Variants in TRANK1 observed in about 807,000 individuals in gnomAD.
The protein encoded by TRANK1 is TPR and ankyrin repeat-containing protein 1.
Under a neutral mutation model 266.0 loss-of-function variants are expected in TRANK1, and 198 were observed. The observed-to-expected ratio is 0.74, with a 90% CI of 0.66 to 0.84. The LOEUF is 0.84. TRANK1 is among the 40% of genes least tolerant of loss of function. The pLI, the probability that TRANK1 is intolerant of heterozygous loss-of-function variation, is 0.00. For missense variants in TRANK1, 3,326 were observed against 3,634.6 expected (o/e 0.92, Z 2.18); for synonymous variants, 1,396 against 1,384.1 (o/e 1.01, Z -0.19).
chr3:36,853,344 A>G (rs1432282257), intron 13 of TRANK1, among the ~76,000 whole-genome samples: 1 of 152,242 alleles, frequency 6.6e-6, no homozygotes, highest in Non-Finnish European at 1.5e-5. Flanking sequence ...CAGATAGAAT[A>G]CAATGGTCTA....
At position 36,895,799 on chromosome 3, in the gene TRANK1, A is replaced by C. The variant is rs1232854652; in HGVS notation, c.434-41T>G. ...ATAATTTAGGGATTTTAATGTGGGG[A>C]AAGTCTACAGCATTTGGGAAAAGGT... is the stretch of plus-strand genomic sequence containing the variant. On this transcript the variant is annotated intron_variant, in intron 4 of 23. Coordinates refer to ENST00000645898, the MANE Select transcript of TRANK1 (RefSeq NM_001329998.2). 5 of 1,367,432 alleles carry C rather than the reference A, an allele frequency of 3.7e-6. No individual in the cohort carries two copies. The Admixed American group carries it at 9.0e-5, about 25-fold the overall frequency. 84.7% of individuals were successfully genotyped at this position (1,367,432 alleles called of 1,614,324 possible).
intron 8 of TRANK1, among the ~76,000 whole-genome samples, chr3:36,881,801 T>A (rs776137516): frequency 6.6e-6 from 1 of 152,180 alleles, no homozygotes; most frequent in African/African-American, 2.4e-5. Context: ...TTTCTGTCTC[T>A]AGGGATTTCC....
intron 1 of TRANK1, chr3:36,929,529 G>A (rs891181408): frequency 2.0e-5 from 3 of 152,168 alleles, no homozygotes; most frequent in Non-Finnish European, 4.4e-5. Flanking sequence ...AGAAACACAT[G>A]CCATATGTAA....
intron 11 of TRANK1, among the ~76,000 whole-genome samples, chr3:36,860,409 G>A (rs936689791): frequency 4.6e-5 from 7 of 152,144 alleles, no homozygotes; most frequent in South Asian, 2.1e-4. Flanking sequence ...ACCCAGCCAC[G>A]CATGATAGTT....
intron 8 of TRANK1, among the ~76,000 whole-genome samples, chr3:36,875,651 G>A (rs1379256635): frequency 6.6e-6 from 1 of 152,222 alleles, no homozygotes; most frequent in Non-Finnish European, 1.5e-5. Flanking sequence ...CTGCCCCAAA[G>A]GGGGTAAAAA....
chr3:36,895,673 T>C lies in TRANK1; in HGVS notation c.519A>G (p.Val173=). 1 of 1,536,424 alleles carries C rather than the reference T, an allele frequency of 6.5e-7. No individual in the cohort carries two copies. The highest frequency in any genetic ancestry group is 1.2e-5 in the South Asian group (1 of 83,792). The change falls in exon 5 of 24, where the codon GTA becomes GTG. Residue 173 remains valine (V), a synonymous_variant. Coordinates refer to ENST00000645898, the MANE Select transcript of TRANK1 (RefSeq NM_001329998.2). ...TGFPTEVWQS[V]IEKLAKKGLW... Reference sequence around the variant, plus strand: ...ATCCTTTCTTTGCCAACTTTTCTATTACAGATTGCCACACTTCTGTTGGGA... The same window carrying C: ...ATCCTTTCTTTGCCAACTTTTCTATCACAGATTGCCACACTTCTGTTGGGA...
intron 12 of TRANK1, among the ~76,000 whole-genome samples, chr3:36,858,286 G>T (rs2079088165): frequency 1.3e-5 from 2 of 152,128 alleles, no homozygotes. Flanking sequence ...AGTGTCACTG[G>T]CAGCTAGCAG....
At chr3:36,836,302 T>C (rs1317010875) in intron 20 of TRANK1, among the ~76,000 whole-genome samples, 3 of 130,234 alleles carry the variant, frequency 2.3e-5, no homozygotes, top group African/African-American at 6.1e-5. Context: ...CAAGGTGCTA[T>C]GTGTGGGAGC....
intron 1 of TRANK1, among the ~76,000 whole-genome samples, chr3:36,924,545 A>G (rs1304174124): frequency 1.3e-5 from 2 of 152,186 alleles, no homozygotes; most frequent in Non-Finnish European, 2.9e-5. Flanking sequence ...ACACAGCATA[A>G]CCCTTATGCA....
chr3:36,833,096 G>C lies in TRANK1; in HGVS notation c.6487C>G (p.Gln2163Glu). The change falls in exon 22 of 24, where the codon CAA becomes GAA. Residue 2163 changes from glutamine (Q) to glutamate (E), a missense_variant. By Grantham distance (29) the Gln-to-Glu change is conservative. Transcript: ENST00000645898. ...TGTTTGTTTAGGGCTAATTTCACTT[G>C]GTCAGTCATTATCAAAAAATGATCT... ...TKDHFLIMTD[Q>E]VKLALNKHLL... The C allele has an allele frequency of 6.2e-7, 1 of 1,612,418 alleles. No individual in the cohort carries two copies. The highest frequency in any genetic ancestry group is 8.5e-7 in the Non-Finnish European group (1 of 1,179,122).
At position 36,833,418 on chromosome 3, in the gene TRANK1, C is replaced by A. The variant is rs767621760; in HGVS notation, c.6165G>T (p.Thr2055=). The change falls in exon 22 of 24, where the codon ACG becomes ACT. Residue 2055 remains threonine, a synonymous_variant. Coordinates refer to ENST00000645898, the MANE Select transcript of TRANK1 (RefSeq NM_001329998.2). ...CCACCACTCCAGCTGAGTGGTTGAG[C>A]GTGTCAAACTTGAAGAAGGCATCCC... is the stretch of plus-strand genomic sequence containing the variant. ...KLRDAFFKFD[T]LNHSAGVVEA... 9.9e-6 allele frequency: 16 copies of A among 1,613,644 alleles called. No homozygotes were observed. In the Admixed American group the frequency reaches 2.5e-4, roughly 25 times the overall value.
At chr3:36,854,348 A>G (rs1575205565) in intron 13 of TRANK1, among the ~76,000 whole-genome samples, 1 of 149,856 alleles carries the variant, frequency 6.7e-6, no homozygotes, top group East Asian at 1.9e-4. Flanking sequence ...CAACAGAGCA[A>G]GACTCTATCT....
intron 4 of TRANK1, among the ~76,000 whole-genome samples, 164 bp from the exon 5 acceptor site, chr3:36,895,922 G>A (rs2079783194): frequency 6.6e-6 from 1 of 152,198 alleles, no homozygotes; most frequent in African/African-American, 2.4e-5. Flanking sequence ...ATTGGTTGAA[G>A]TGGCAATTAT....
rs551671470 is a variant in TRANK1, at chr3:36,833,582, C to T, written c.6001G>A (p.Ala2001Thr). ...CLLGAARLNV[A>T]RDSDIEHTKD... ...GTGTGTTCTATGTCGGAATCCCTGG[C>T]CACATTGAGGCGGGCGGCCCCCAGC... Residue 2001 changes from alanine (A) to threonine (T), a missense_variant, in exon 22 of 24, where the codon GCC becomes ACC. By Grantham distance (58) the Ala-to-Thr change is moderately conservative (BLOSUM62 0). Transcript: ENST00000645898. 9.3e-6 allele frequency: 15 copies of T among 1,613,940 alleles called. No homozygotes were observed. In the Admixed American group the frequency reaches 1.8e-4, roughly 20 times the overall value.
intron 1 of TRANK1, among the ~76,000 whole-genome samples, chr3:36,918,614 A>G (rs57124548): frequency 1.9e-3 from 229 of 117,872 alleles, no homozygotes; most frequent in African/African-American, 6.2e-3. Context: ...AAGGAAAGAA[A>G]GAAAGAAAGA....
intron 8 of TRANK1, among the ~76,000 whole-genome samples, chr3:36,883,302 T>C (rs1366448458): frequency 1.3e-5 from 2 of 151,342 alleles, no homozygotes; most frequent in African/African-American, 4.9e-5. Context: ...AAAAAAATAG[T>C]GGGGCATGGT....
chr3:36,832,014 C>T lies in TRANK1; in HGVS notation c.7569G>A (p.Arg2523=), dbSNP rs368543909. ...CCTTGGCGAGGTAGGAGAGATGGAA[C>T]CGGAAATCCTGAATGGCTCTTGTCA... ...KDVTRAIQDF[R]FHLSYLAKVL... Residue 2523 remains arginine, a synonymous_variant, in exon 22 of 24, where the codon CGG becomes CGA. Coordinates refer to ENST00000645898, the MANE Select transcript of TRANK1 (RefSeq NM_001329998.2). The T allele has an allele frequency of 6.2e-7, 1 of 1,613,874 alleles. No individual in the cohort carries two copies. Among genetic ancestry groups the T allele is most frequent in the Non-Finnish European group, 8.5e-7 (1 of 1,179,896 alleles).
chr3:36,871,356 C>A (rs2079306337), intron 9 of TRANK1, among the ~76,000 whole-genome samples: 1 of 152,110 alleles, frequency 6.6e-6, no homozygotes, highest in Non-Finnish European at 1.5e-5. Flanking sequence ...CCACTGCACT[C>A]CAGCCTGGGT....
intron 9 of TRANK1, among the ~76,000 whole-genome samples, chr3:36,871,303 G>A (rs375571901): frequency 1.3e-5 from 2 of 152,124 alleles, no homozygotes; most frequent in South Asian, 2.1e-4. Context: ...CAGGAGAAAC[G>A]CTTGAACCGG....
Sources: allele counts gnomAD v4.1 joint callset (sites outside exome capture counted in the v4.1 genomes callset), GRCh38; gene constraint gnomAD v4.1.1; transcripts MANE v1.5; gene names NCBI Gene and HGNC (gene_info 2026-07-23, HGNC 2026-07-21).